Variants in KIF26B observed in about 807,000 individuals in gnomAD.
KIF26B encodes the protein kinesin family member 26B, also known as kinesin-like protein KIF26B.
A neutral mutation model predicts 151.2 loss-of-function variants in KIF26B; 63 were observed. That is an observed-to-expected ratio of 0.42 (90% CI 0.34 to 0.51). The LOEUF is 0.51. Ranked by LOEUF, KIF26B falls within the 20% of genes least tolerant of loss-of-function variation. The pLI, the probability that KIF26B is intolerant of heterozygous loss-of-function variation, is 0.07. For synonymous variants in KIF26B, 1,357 were observed against 1,262.1 expected (o/e 1.08, Z -1.59); for missense variants, 2,813 against 2,913.6 (o/e 0.97, Z 0.79).
At position 245,488,875 on chromosome 1, in the gene KIF26B, A is replaced by G. The variant is rs2103072845; in HGVS notation, c.1167-51892A>G. Reference sequence around the variant, plus strand: ...GACTCGATTCTTTATGCCTTAGGCTAGGTTTGCAGTTGGTAGATGCAAAAT... The same window carrying G: ...GACTCGATTCTTTATGCCTTAGGCTGGGTTTGCAGTTGGTAGATGCAAAAT... On this transcript the variant is annotated intron_variant, in intron 4 of 14. Coordinates refer to ENST00000407071, the MANE Select transcript of KIF26B (RefSeq NM_018012.4). The surrounding 1 kb of genome is among the most constrained non-coding windows in gnomAD (Gnocchi z 4.6). Among the ~76,000 whole-genome samples the G allele has an allele frequency of 6.6e-6, 1 of 152,330 alleles. No individual in the cohort carries two copies. The highest frequency in any genetic ancestry group is 1.5e-5 in the Non-Finnish European group (1 of 68,030).
At chr1:245,511,098 A>C in intron 4 of KIF26B, 1 of 717,468 alleles carries the variant, frequency 1.4e-6, no homozygotes, top group Non-Finnish European at 2.6e-6. Flanking sequence ...TTTAGCCATG[A>C]CTTATCAATG....
intron 10 of KIF26B, among the ~76,000 whole-genome samples, chr1:245,658,329 C>G (rs571415562): frequency 6.6e-6 from 1 of 152,126 alleles, no homozygotes; most frequent in East Asian, 1.9e-4. Context: ...GTTAATCGAA[C>G]CTATTTCTGC....
At chr1:245,561,109 G>T (rs2042942664) in intron 5 of KIF26B, among the ~76,000 whole-genome samples, 1 of 152,222 alleles carries the variant, frequency 6.6e-6, no homozygotes, top group South Asian at 2.1e-4. Context: ...AACCTTTTCA[G>T]CCTATGGGTG....
At chr1:245,213,687 A>C (rs1669588382) in intron 2 of KIF26B, among the ~76,000 whole-genome samples, 1 of 152,074 alleles carries the variant, frequency 6.6e-6, no homozygotes, top group Admixed American at 6.5e-5. Context: ...CATCATCAGA[A>C]GGCGTTGTGC....
At chr1:245,372,491 G>T (rs1208868753) in intron 3 of KIF26B, among the ~76,000 whole-genome samples, 1 of 152,082 alleles carries the variant, frequency 6.6e-6, no homozygotes, top group Non-Finnish European at 1.5e-5. Flanking sequence ...GTACCCAAAA[G>T]GTGGTTTTCC....
intron 2 of KIF26B, among the ~76,000 whole-genome samples, chr1:245,256,131 G>C (rs1041364163): frequency 6.6e-6 from 1 of 152,116 alleles, no homozygotes; most frequent in Non-Finnish European, 1.5e-5. Context: ...TCTCAGCTGT[G>C]TGACTTCGAA....
rs1484705877 is a variant in KIF26B, at chr1:245,597,402, T to G, written c.1351-5175T>G. 1.3e-5 allele frequency among the ~76,000 whole-genome samples: 2 copies of G among 152,218 alleles called. No individual in the cohort carries two copies. The highest frequency in any genetic ancestry group is 2.9e-5 in the Non-Finnish European group (2 of 68,030). ...CTTTGCTTATGAAGCTTAGTTTGGC[T>G]GGATATGAAATTCTGGGTTGAAAAT... On this transcript the variant is annotated intron_variant, in intron 5 of 14. Coordinates refer to ENST00000407071, the MANE Select transcript of KIF26B (RefSeq NM_018012.4). This position sits in a 1 kb window ranked among gnomAD's most constrained non-coding sequence, Gnocchi z 4.6.
Position 245,464,451 on chromosome 1 carries a change from GTGTA to G in KIF26B, c.1166+44710_1166+44713del, listed in dbSNP as rs536353991. Among the ~76,000 whole-genome samples, 509 of 151,020 alleles carry G rather than the reference GTGTA, an allele frequency of 3.4e-3. 2 individuals are homozygous for G. The highest frequency in any genetic ancestry group is 5.7e-3 in the Non-Finnish European group (387 of 67,734). ...TGTGTGCATGTCTGGGTGTGTGGGT[GTGTA>G]TGTGTGCGTGCGCGTGTGGGGGTGT... On this transcript the variant is annotated intron_variant, in intron 4 of 14. Transcript: ENST00000407071.
At position 245,685,447 on chromosome 1, in the gene KIF26B, G is replaced by C; in HGVS notation, c.2464G>C (p.Gly822Arg). 2 of 1,613,468 alleles carry C rather than the reference G, an allele frequency of 1.2e-6. No homozygotes were observed. The highest frequency in any genetic ancestry group is 2.2e-5 in the South Asian group (2 of 91,014). ...SSGGESSCEE[G>R]RMRRPTQLRP... ...CGGCGGGGAGAGCTCCTGCGAAGAA[G>C]GCCGCATGCGCAGGCCCACCCAGCT... Residue 822 changes from glycine to arginine, a missense_variant, in exon 12 of 15, where the codon GGC (glycine) becomes CGC (arginine). This residue lies in a region of KIF26B where 2,060 missense variants were observed against 2,088.6 expected (regional missense o/e 0.99). Coordinates refer to ENST00000407071, the MANE Select transcript of KIF26B (RefSeq NM_018012.4).
chr1:245,448,683 G>A (rs1289675687), intron 4 of KIF26B, among the ~76,000 whole-genome samples: 1 of 152,142 alleles, frequency 6.6e-6, no homozygotes, highest in Non-Finnish European at 1.5e-5. Context: ...GGTGTGTTCT[G>A]GAAACACTGT....
chr1:245,452,900 A>G (rs954854239), intron 4 of KIF26B, among the ~76,000 whole-genome samples: 1 of 152,004 alleles, frequency 6.6e-6, no homozygotes, highest in African/African-American at 2.4e-5. Flanking sequence ...CACTTTTTTG[A>G]TAATGTCCTT....
At chr1:245,455,789 A>G (rs1290793983) in intron 4 of KIF26B, among the ~76,000 whole-genome samples, 1 of 152,182 alleles carries the variant, frequency 6.6e-6, no homozygotes, top group Non-Finnish European at 1.5e-5. Flanking sequence ...CCCTGAGGCC[A>G]GAGAGGCCTT....
intron 5 of KIF26B, among the ~76,000 whole-genome samples, chr1:245,546,126 A>G (rs183265281): frequency 1.3e-5 from 2 of 152,368 alleles, no homozygotes; most frequent in Admixed American, 6.5e-5. Flanking sequence ...TGTTCAGTTT[A>G]CATTCTTCTT....
At chr1:245,394,787 T>A (rs1673790102) in intron 3 of KIF26B, among the ~76,000 whole-genome samples, 1 of 145,214 alleles carries the variant, frequency 6.9e-6, no homozygotes, top group Non-Finnish European at 1.5e-5. Flanking sequence ...ACCTCCCAGG[T>A]TCAAGTGAGT....
intron 4 of KIF26B, among the ~76,000 whole-genome samples, chr1:245,436,023 A>G (rs758834098): frequency 1.3e-5 from 2 of 151,962 alleles, no homozygotes; most frequent in Non-Finnish European, 2.9e-5. Context: ...CTAAAAATAC[A>G]AAAATTAGCC....
chr1:245,388,059 T>G (rs1419128979), intron 3 of KIF26B, among the ~76,000 whole-genome samples: 1 of 152,174 alleles, frequency 6.6e-6, no homozygotes, highest in African/African-American at 2.4e-5. Context: ...CTCTCCCTGG[T>G]GGCTCATCTC....
intron 2 of KIF26B, among the ~76,000 whole-genome samples, chr1:245,290,153 T>C (rs566053628): frequency 1.3e-5 from 2 of 150,328 alleles, no homozygotes. Context: ...TAGCATTCAG[T>C]AGGTGCTTAA....
intron 10 of KIF26B, among the ~76,000 whole-genome samples, chr1:245,651,263 T>G (rs2044012954): frequency 6.6e-6 from 1 of 152,166 alleles, no homozygotes; most frequent in South Asian, 2.1e-4. Context: ...GAAGCTCAAG[T>G]TCAAATCAGT....
Position 245,250,759 on chromosome 1 carries a change from T to C in KIF26B, c.465+94076T>C, listed in dbSNP as rs111283393. Reference sequence around the variant, plus strand: ...CTATTCATTTTCTTTGCCCGTGTTTTTTCTCATTGTATTGTCTTATTTGTG... The same window carrying C: ...CTATTCATTTTCTTTGCCCGTGTTTCTTCTCATTGTATTGTCTTATTTGTG... On this transcript the variant is annotated intron_variant, in intron 2 of 14. Coordinates refer to ENST00000407071, the MANE Select transcript of KIF26B (RefSeq NM_018012.4). 1.0e-2 allele frequency among the ~76,000 whole-genome samples: 1,516 copies of C among 152,318 alleles called. 26 individuals are homozygous for C. The highest frequency in any genetic ancestry group is 0.034 in the African/African-American group (1,429 of 41,564).
Sources: allele counts gnomAD v4.1 joint callset (sites outside exome capture counted in the v4.1 genomes callset), GRCh38; gene constraint gnomAD v4.1.1; regional missense constraint gnomAD v4.1.1; non-coding constraint Gnocchi (gnomAD v3.1); transcripts MANE v1.5; gene names NCBI Gene and HGNC (gene_info 2026-07-23, HGNC 2026-07-21).